The following MITD1 variants were observed in gnomAD, a reference collection of about 807,000 sequenced individuals.
MITD1 encodes MIT domain-containing protein 1.
MITD1 carries 24 observed loss-of-function variants against 34.9 expected under a neutral mutation model. The observed-to-expected ratio is 0.69, with a 90% confidence interval of 0.50 to 0.97. The LOEUF (loss-of-function observed/expected upper bound fraction) is 0.97, where lower values mean the gene tolerates loss of function less well. MITD1 is among the 50% of genes least tolerant of loss of function. MITD1 has a pLI of 0.00. For missense variants in MITD1, 266 were observed against 294.6 expected (o/e 0.90, Z 0.71); for synonymous variants, 102 against 101.4 (o/e 1.01, Z -0.04).
At chr2:99,162,774 T>G in intron 7 of MITD1, 1 of 1,614,134 alleles carries the variant, frequency 6.2e-7, no homozygotes, top group Non-Finnish European at 8.5e-7. Context: ...GGAGTGGATA[T>G]ATGGCAAAAC....
chr2:99,180,831 C>T lies in MITD1; in HGVS notation c.151G>A (p.Gly51Ser). The change falls in exon 1 of 7, where the codon GGT (glycine) becomes AGT (serine). Residue 51 changes from glycine to serine, a missense_variant and splice_region_variant. Transcript: ENST00000289359. ...GIDLLLQVLK[G>S]TKDNTKRCNL... ...CTCCCCGCCTTGGCTCATTGCTCAC[C>T]TTTCAGAACCTGCAGGAGCAGATCA... The T allele has an allele frequency of 6.2e-7, 1 of 1,613,954 alleles. No individual in the cohort carries two copies. The highest frequency in any genetic ancestry group is 1.3e-5 in the African/African-American group (1 of 75,062).
downstream of MITD1, among the ~76,000 whole-genome samples, chr2:99,166,503 A>C (rs76596756): frequency 4.7e-5 from 7 of 150,416 alleles, no homozygotes; most frequent in African/African-American, 1.7e-4. Flanking sequence ...AAAAAAAAAA[A>C]CATACAGAGA....
At chr2:99,171,001 C>G (rs1489720721) in intron 4 of MITD1, 6 of 273,638 alleles carry the variant, frequency 2.2e-5, no homozygotes, top group African/African-American at 1.3e-4. Flanking sequence ...ATAGAGATGC[C>G]CACTACCATA....
downstream of MITD1, among the ~76,000 whole-genome samples, chr2:99,166,382 A>G (rs2093826832): frequency 6.6e-6 from 1 of 151,504 alleles, no homozygotes; most frequent in Admixed American, 6.6e-5. Context: ...TGAATATGGT[A>G]GTACAGAGAT....
chr2:99,165,881 G>A (rs1424082281), downstream of MITD1, among the ~76,000 whole-genome samples: 1 of 152,094 alleles, frequency 6.6e-6, no homozygotes, highest in African/African-American at 2.4e-5. Flanking sequence ...TAGCGACAGG[G>A]GCCTGAATTT....
rs1438717148 is a variant in MITD1, at chr2:99,162,683, T to C, written c.*4-465A>G. 1 of 1,614,164 alleles carries C rather than the reference T, an allele frequency of 6.2e-7. No homozygotes were observed. Among genetic ancestry groups the C allele is most frequent in the Admixed American group, 1.7e-5 (1 of 60,022 alleles). On this transcript the variant is annotated intron_variant, in intron 7 of 7. Transcript: ENST00000422537. Reference sequence around the variant, plus strand: ...AGTATGCTGCTTATCATCAAATTGATAATCACATTCACCTAATAAACCCAA... The same window carrying C: ...AGTATGCTGCTTATCATCAAATTGACAATCACATTCACCTAATAAACCCAA...
At chr2:99,176,717 CGTTAGT>C (rs1184655061) in intron 1 of MITD1, among the ~76,000 whole-genome samples, 1 of 152,054 alleles carries the variant, frequency 6.6e-6, no homozygotes, top group Non-Finnish European at 1.5e-5. Context: ...CATCAGCTGT[CGTTAGT>C]GTTAGTGTAT....
chr2:99,171,884 G>A, intron 2 of MITD1: 1 of 436,816 alleles, frequency 2.3e-6, no homozygotes, highest in Non-Finnish European at 4.1e-6. Context: ...TAGGCAAGGG[G>A]GAAAATCTAG....
chr2:99,170,202 AG>A (rs1367013279), intron 5 of MITD1, among the ~76,000 whole-genome samples: 5 of 152,216 alleles, frequency 3.3e-5, no homozygotes, highest in African/African-American at 1.2e-4. Context: ...GTAAATATTA[AG>A]TTCACTAGAA....
At chr2:99,173,330 G>C (rs1325666686) in intron 2 of MITD1, 4 of 367,772 alleles carry the variant, frequency 1.1e-5, no homozygotes, top group Non-Finnish European at 2.4e-5. Flanking sequence ...TATGCACTCA[G>C]GTAAGGGTGG....
In MITD1 at chr2:99,169,579, T is replaced by A. The variant is rs773352805; in HGVS notation, c.625A>T (p.Arg209Trp). 2 of 1,608,782 alleles carry A rather than the reference T, an allele frequency of 1.2e-6. No individual in the cohort carries two copies. Among genetic ancestry groups the A allele is most frequent in the Non-Finnish European group, 1.7e-6 (2 of 1,175,400 alleles). Reference sequence around the variant, plus strand: ...GGTTTCTTAAAATAATCAAGTCCCCTTCCAATCTTAATCATCCATCCATTG... The same window carrying A: ...GGTTTCTTAAAATAATCAAGTCCCCATCCAATCTTAATCATCCATCCATTG... Reference protein sequence around the residue: ...FNNGWMIKIGRGLDYFKKPQS... With the variant: ...FNNGWMIKIGWGLDYFKKPQS... Residue 209 changes from arginine to tryptophan, a missense_variant, in exon 6 of 7, where the codon AGG (arginine) becomes TGG (tryptophan). Coordinates refer to ENST00000289359, the MANE Select transcript of MITD1 (RefSeq NM_138798.3).
intron 2 of MITD1, 134 bp from the exon 3 acceptor site, chr2:99,171,780 T>TAA: frequency 1.3e-6 from 1 of 799,854 alleles, no homozygotes; most frequent in Non-Finnish European, 1.9e-6. Context: ...ACTTATTGAA[T>TAA]GCCTACTAAA....
At position 99,180,255 on chromosome 2, in the gene MITD1, C is replaced by T. The variant is rs548887962; in HGVS notation, c.151+576G>A. ...CTTGCTTTAAATGCAAATGTTTAAA[C>T]AGAAAATTAAAAATAATCGTATAAT... On this transcript the variant is annotated intron_variant, in intron 1 of 6. Transcript: ENST00000289359. Among the ~76,000 whole-genome samples the T allele has an allele frequency of 7.7e-4, 117 of 152,258 alleles. 1 individual carries two copies. The highest frequency in any genetic ancestry group is 6.8e-3 in the Middle Eastern group (2 of 294).
chr2:99,180,776 C>A (rs758196449), intron 1 of MITD1, 55 bp downstream of exon 1: 2 of 1,475,360 alleles, frequency 1.4e-6, no homozygotes, highest in African/African-American at 1.4e-5. Context: ...ACCCCAGACA[C>A]AGCAGGAACC....
downstream of MITD1, among the ~76,000 whole-genome samples, chr2:99,165,671 G>A (rs568519013): frequency 4.6e-5 from 7 of 152,088 alleles, no homozygotes; most frequent in African/African-American, 9.6e-5. Flanking sequence ...ATATGTTTGC[G>A]GACTTCTCCA....
chr2:99,174,178 T>C lies in MITD1; in HGVS notation c.152-162A>G, dbSNP rs79315467. 5.9e-5 allele frequency among the ~76,000 whole-genome samples: 9 copies of C among 152,290 alleles called. No homozygotes were observed. In the East Asian group the frequency reaches 1.5e-3, roughly 26 times the overall value. On this transcript the variant is annotated intron_variant, in intron 1 of 6. Coordinates refer to ENST00000289359, the MANE Select transcript of MITD1 (RefSeq NM_138798.3). ...AATAAACTCAAATTTGGCTTGAACA[T>C]ACAAGACCTTCATATTTACACGAAG... is the stretch of plus-strand genomic sequence containing the variant.
downstream of MITD1, among the ~76,000 whole-genome samples, chr2:99,169,089 C>T (rs2093840795): frequency 6.7e-6 from 1 of 148,154 alleles, no homozygotes; most frequent in African/African-American, 2.5e-5. Context: ...TCTAATTCAT[C>T]TTCCTAATAG....
downstream of MITD1, among the ~76,000 whole-genome samples, chr2:99,166,505 AT>A (rs1472312374): frequency 1.7e-4 from 25 of 150,854 alleles, no homozygotes; most frequent in South Asian, 4.2e-4. Context: ...AAAAAAAAAC[AT>A]ACAGAGAACA....
intron 7 of MITD1, among the ~76,000 whole-genome samples, chr2:99,164,148 T>G (rs2093815418): frequency 6.6e-6 from 1 of 152,240 alleles, no homozygotes; most frequent in Non-Finnish European, 1.5e-5. Flanking sequence ...TGGTGTCAGA[T>G]TTAATTCATC....
Sources: allele counts gnomAD v4.1 joint callset (sites outside exome capture counted in the v4.1 genomes callset), GRCh38; gene constraint gnomAD v4.1.1; transcripts MANE v1.5; gene names NCBI Gene and HGNC (gene_info 2026-07-23, HGNC 2026-07-21).